Variants in GLCCI1 observed in about 807,000 individuals in gnomAD.
GLCCI1 encodes glucocorticoid induced 1.
A neutral mutation model predicts 52.2 loss-of-function variants in GLCCI1; 24 were observed. The ratio of observed to expected loss-of-function variants is 0.46; its 90% CI spans 0.33 to 0.65. GLCCI1 has a LOEUF of 0.65. Among genes scored for constraint, GLCCI1 ranks in the 30% least tolerant of loss-of-function variants. GLCCI1 has a pLI of 0.02. For synonymous variants in GLCCI1, 310 were observed against 276.5 expected (o/e 1.12, Z -1.20); for missense variants, 704 against 701.5 (o/e 1.00, Z -0.04).
intron 3 of GLCCI1, among the ~76,000 whole-genome samples, chr7:8,049,521 T>G (rs1782210381): frequency 6.6e-6 from 1 of 152,210 alleles, no homozygotes; most frequent in South Asian, 2.1e-4. Flanking sequence ...TATAATGCTT[T>G]CATTATCTTT....
chr7:8,031,605 C>T (rs1439961899), intron 3 of GLCCI1, among the ~76,000 whole-genome samples: 1 of 152,060 alleles, frequency 6.6e-6, no homozygotes, highest in African/African-American at 2.4e-5. Flanking sequence ...ACCCAGTTTA[C>T]TCTCATGTGA....
chr7:8,048,457 GA>G (rs1397052749), intron 3 of GLCCI1, among the ~76,000 whole-genome samples: 2 of 152,012 alleles, frequency 1.3e-5, no homozygotes, highest in Non-Finnish European at 2.9e-5. Flanking sequence ...AGGGAGTTTA[GA>G]TTTATTCTAA....
chr7:8,029,968 A>T (rs1244268018), intron 3 of GLCCI1, among the ~76,000 whole-genome samples: 1 of 152,194 alleles, frequency 6.6e-6, no homozygotes, highest in Non-Finnish European at 1.5e-5. Flanking sequence ...TAAAATGTCT[A>T]TTCTACCCAA....
rs189036774 is a variant in GLCCI1 at position 8,033,315 on chromosome 7, C to T, written c.696+10746C>T. On this transcript the variant is annotated intron_variant, in intron 3 of 7. Coordinates refer to ENST00000223145, the MANE Select transcript of GLCCI1 (RefSeq NM_138426.4). ...AGATTACTCATATTAAATGATAAAACAGAATGCTTTTCTCCTAAGGAACAA... is the reference window on the plus strand; with the variant it reads ...AGATTACTCATATTAAATGATAAAATAGAATGCTTTTCTCCTAAGGAACAA... Among the ~76,000 whole-genome samples the T allele has an allele frequency of 2.6e-5, 4 of 151,940 alleles. No individual in the cohort carries two copies. The East Asian group carries it at 5.8e-4, about 22-fold the overall frequency.
chr7:8,005,070 A>G (rs1781120365), intron 2 of GLCCI1, among the ~76,000 whole-genome samples: 1 of 152,100 alleles, frequency 6.6e-6, no homozygotes, highest in Admixed American at 6.6e-5. Flanking sequence ...TTCTTCATTT[A>G]GTGAGGAAGA....
chr7:8,049,728 G>A (rs1465030412), intron 3 of GLCCI1, among the ~76,000 whole-genome samples: 1 of 152,180 alleles, frequency 6.6e-6, no homozygotes, highest in Non-Finnish European at 1.5e-5. Flanking sequence ...TTGAAATTAT[G>A]AGCCAATAGT....
In GLCCI1 at chr7:8,022,646, C is replaced by T. The variant is rs184821911; in HGVS notation, c.696+77C>T. On this transcript the variant is annotated intron_variant, in intron 3 of 7. Transcript: ENST00000223145. ...CCTTAGTATTTCCTGAATGTAATGA[C>T]ACTTTTAAAATTTATCCTAACCTTA... is the stretch of plus-strand genomic sequence containing the variant. 5,196 of 805,774 alleles carry T rather than the reference C, an allele frequency of 6.4e-3. 23 individuals are homozygous for T. Among genetic ancestry groups the T allele is most frequent in the Non-Finnish European group, 7.3e-3 (3,906 of 538,388 alleles). 49.9% of individuals were successfully genotyped at this position (805,774 alleles called of 1,614,324 possible). A position where few individuals can be genotyped will look rare whatever the true frequency, so the allele number is the denominator to read the frequency against.
chr7:8,022,675 C>G, intron 3 of GLCCI1, 106 bp downstream of exon 3: 2 of 518,070 alleles, frequency 3.9e-6, no homozygotes, highest in Non-Finnish European at 6.3e-6. Flanking sequence ...AACCTTACCT[C>G]TTTCAGTAAG....
chr7:8,010,130 TG>T (rs1781236029), intron 2 of GLCCI1, among the ~76,000 whole-genome samples: 1 of 152,154 alleles, frequency 6.6e-6, no homozygotes, highest in South Asian at 2.1e-4. Context: ...AAACAGCCCC[TG>T]GAACAGGCTA....
At chr7:8,071,198 C>A in intron 6 of GLCCI1, 67 bp downstream of exon 6, 2 of 1,220,980 alleles carry the variant, frequency 1.6e-6, no homozygotes, top group South Asian at 1.4e-5. Context: ...TGTCTTAGAC[C>A]ATTACATCTT....
At position 8,021,506 on chromosome 7, in the gene GLCCI1, G is replaced by A. The variant is rs371733222; in HGVS notation, c.610-977G>A. Among the ~76,000 whole-genome samples, 18 of 151,914 alleles carry A rather than the reference G, an allele frequency of 1.2e-4. No homozygotes were observed. The East Asian group carries it at 2.5e-3, about 21-fold the overall frequency. On this transcript the variant is annotated intron_variant, in intron 2 of 7. Transcript: ENST00000223145. Reference sequence around the variant, plus strand: ...TGGCTCACTGCAGCCTCTGCCTCCCGGGTTCAAGTGATTCTCCTGTCTCAG... The same window carrying A: ...TGGCTCACTGCAGCCTCTGCCTCCCAGGTTCAAGTGATTCTCCTGTCTCAG...
chr7:7,981,277 T>G (rs1780611312), intron 1 of GLCCI1: 1 of 251,192 alleles, frequency 4.0e-6, no homozygotes, highest in Non-Finnish European at 7.6e-6. Flanking sequence ...TCTTTCTTTC[T>G]TTCTTTCTCT....
intron 5 of GLCCI1, among the ~76,000 whole-genome samples, 172 bp downstream of exon 5, chr7:8,060,420 C>T (rs746099897): frequency 1.3e-5 from 2 of 152,112 alleles, no homozygotes; most frequent in Non-Finnish European, 2.9e-5. Flanking sequence ...CAACTGTCAC[C>T]ACAATCAATT....
At chr7:8,010,242 A>G (rs1041147905) in intron 2 of GLCCI1, among the ~76,000 whole-genome samples, 3 of 152,220 alleles carry the variant, frequency 2.0e-5, no homozygotes, top group Non-Finnish European at 4.4e-5. Flanking sequence ...GCTTTCTGCA[A>G]GTGAATGTAT....
intron 3 of GLCCI1, among the ~76,000 whole-genome samples, chr7:8,049,630 C>T (rs1026720917): frequency 2.6e-5 from 4 of 152,086 alleles, no homozygotes; most frequent in South Asian, 2.1e-4. Flanking sequence ...GTCATTTAAT[C>T]GCTTCATTAA....
In GLCCI1 at chr7:7,969,295, C is replaced by A; in HGVS notation, c.-56C>A. ...GCGCCGGCTCCCACACGCTCGCGCGCCTCCCGCCCCGCGCCTCCGTGTCGG... is the reference window on the plus strand; with the variant it reads ...GCGCCGGCTCCCACACGCTCGCGCGACTCCCGCCCCGCGCCTCCGTGTCGG... On this transcript the variant is annotated 5_prime_UTR_variant, in exon 1 of 8. Transcript: ENST00000223145. The surrounding 1 kb of genome is among the most constrained non-coding windows in gnomAD (Gnocchi z 4.9). 7.4e-7 allele frequency: 1 copy of A among 1,356,040 alleles called. No homozygotes were observed. Among genetic ancestry groups the A allele is most frequent in the Non-Finnish European group, 9.6e-7 (1 of 1,044,408 alleles). 84.0% of individuals were successfully genotyped at this position (1,356,040 alleles called of 1,614,324 possible).
intron 3 of GLCCI1, among the ~76,000 whole-genome samples, chr7:8,034,060 A>G (rs1375761020): frequency 6.6e-6 from 1 of 152,180 alleles, no homozygotes; most frequent in Non-Finnish European, 1.5e-5. Flanking sequence ...AAAGATTTAT[A>G]GGTAAATGGA....
chr7:7,995,140 T>C (rs923250374), intron 1 of GLCCI1, among the ~76,000 whole-genome samples: 2 of 152,238 alleles, frequency 1.3e-5, no homozygotes, highest in Non-Finnish European at 2.9e-5. Flanking sequence ...TTTGTTGCCT[T>C]TATTTCTTAT....
At chr7:8,012,544 A>G (rs1562427319) in intron 2 of GLCCI1, among the ~76,000 whole-genome samples, 1 of 139,794 alleles carries the variant, frequency 7.2e-6, no homozygotes, top group Non-Finnish European at 1.5e-5. Context: ...TCCTGGGTTC[A>G]TGCCATTCTC....
Sources: gnomAD v4.1 joint callset for allele counts (sites outside exome capture counted in the v4.1 genomes callset) on GRCh38, gnomAD v4.1.1 for gene constraint, Gnocchi (gnomAD v3.1) non-coding constraint, MANE v1.5 for transcripts, NCBI Gene and HGNC (gene_info 2026-07-23, HGNC 2026-07-21) for gene names.